The following OPCML variants were observed in gnomAD, a reference collection of about 807,000 sequenced individuals.
OPCML encodes opioid binding protein/cell adhesion molecule like, also known as opioid-binding protein/cell adhesion molecule.
Under a neutral mutation model 37.8 loss-of-function variants are expected in OPCML, and 13 were observed. The ratio of observed to expected loss-of-function variants is 0.34; its 90% CI spans 0.22 to 0.55. The LOEUF is 0.55. Among genes scored for constraint, OPCML ranks in the 20% least tolerant of loss-of-function variants. The probability of loss-of-function intolerance (pLI) is 0.91; values close to 1 mark genes in which losing one functional copy is unlikely to be tolerated. For missense variants in OPCML, 341 were observed against 435.6 expected, an observed-to-expected ratio of 0.78 and a Z score of 1.93; for synonymous variants, 176 against 168.8, an observed-to-expected ratio of 1.04 and a Z score of -0.33.
chr11:132,894,428 C>T (rs1024362609), intron 2 of OPCML, among the ~76,000 whole-genome samples: 14 of 152,188 alleles, frequency 9.2e-5, no homozygotes, highest in African/African-American at 2.9e-4. Context: ...CTTCTTTATC[C>T]TCCATAGAGC....
At chr11:132,604,460 C>G (rs1938139981) in intron 3 of OPCML, among the ~76,000 whole-genome samples, 1 of 152,100 alleles carries the variant, frequency 6.6e-6, no homozygotes, top group South Asian at 2.1e-4. Context: ...TTCCTGAAGC[C>G]TCAGCTCTCA....
At chr11:132,809,874 G>A (rs1285778378) in intron 2 of OPCML, among the ~76,000 whole-genome samples, 12 of 151,884 alleles carry the variant, frequency 7.9e-5, no homozygotes, top group Non-Finnish European at 1.5e-5. Flanking sequence ...TTTTTGAGAC[G>A]GTATCTTGCT....
intron 1 of OPCML, among the ~76,000 whole-genome samples, chr11:133,111,967 T>C (rs1027989027): frequency 2.6e-5 from 4 of 152,180 alleles, no homozygotes; most frequent in African/African-American, 9.7e-5. Context: ...AAGGATATTA[T>C]TTTTTTCTTA....
chr11:133,423,020 C>T (rs1945924131), intron 1 of OPCML: 3 of 985,184 alleles, frequency 3.0e-6, no homozygotes, highest in Non-Finnish European at 3.6e-6. Context: ...CTCCACTGTG[C>T]CATCCAAGGA....
intron 1 of OPCML, chr11:133,026,698 G>T: frequency 3.6e-6 from 2 of 557,418 alleles, no homozygotes; most frequent in Non-Finnish European, 2.3e-6. Flanking sequence ...CCTGTGTTTA[G>T]CAGTAATTCA....
In OPCML at chr11:133,460,811, T is replaced by C. The variant is rs561633998; in HGVS notation, c.61+71453A>G. On this transcript the variant is annotated intron_variant, in intron 1 of 7. Coordinates refer to ENST00000524381, the MANE Select transcript of OPCML (RefSeq NM_001012393.5). ...TTCCAAAAAATTGAAGAGGAAGGAA[T>C]GCTTCCTAATTCTCTAGAAAATACT... 1.6e-4 allele frequency among the ~76,000 whole-genome samples: 25 copies of C among 151,544 alleles called. 2 individuals are homozygous for C. In the South Asian group the frequency reaches 4.2e-3, roughly 25 times the overall value.
chr11:132,827,846 A>C (rs1940451507), intron 2 of OPCML, among the ~76,000 whole-genome samples: 1 of 150,206 alleles, frequency 6.7e-6, no homozygotes, highest in South Asian at 2.1e-4. Context: ...GGGTTTCACC[A>C]TGTTTTGATC....
chr11:132,532,274 C>A (rs2096327864), intron 3 of OPCML, among the ~76,000 whole-genome samples: 1 of 152,144 alleles, frequency 6.6e-6, no homozygotes, highest in African/African-American at 2.4e-5. Flanking sequence ...GTAGCTCCGT[C>A]ATGTTCTCTG....
At chr11:132,633,234 G>A (rs1315683810) in intron 3 of OPCML, among the ~76,000 whole-genome samples, 1 of 151,978 alleles carries the variant, frequency 6.6e-6, no homozygotes, top group Non-Finnish European at 1.5e-5. Context: ...ACAGAGTCTC[G>A]CTCTGTCGCC....
chr11:133,289,510 G>A (rs1392629607), intron 1 of OPCML, among the ~76,000 whole-genome samples: 5 of 149,836 alleles, frequency 3.3e-5, no homozygotes, highest in East Asian at 2.0e-4. Flanking sequence ...CAGGAGAATG[G>A]CGTGAACCCG....
intron 1 of OPCML, among the ~76,000 whole-genome samples, chr11:133,268,961 C>T (rs926449322): frequency 6.6e-6 from 1 of 152,158 alleles, no homozygotes; most frequent in African/African-American, 2.4e-5. Flanking sequence ...GCAGACCCAA[C>T]TATATCATGT....
intron 2 of OPCML, among the ~76,000 whole-genome samples, chr11:132,824,736 C>T (rs1940197389): frequency 6.6e-6 from 1 of 152,194 alleles, no homozygotes; most frequent in African/African-American, 2.4e-5. Context: ...AAAACAACTT[C>T]CCGTGGCTGT....
At chr11:133,078,867 T>C (rs1418436374) in intron 1 of OPCML, among the ~76,000 whole-genome samples, 1 of 152,144 alleles carries the variant, frequency 6.6e-6, no homozygotes, top group Non-Finnish European at 1.5e-5. Context: ...ATACACTCCT[T>C]ATGCTATGCT....
At chr11:132,921,970 C>T (rs180809318) in intron 2 of OPCML, among the ~76,000 whole-genome samples, 22 of 152,072 alleles carry the variant, frequency 1.4e-4, no homozygotes, top group Admixed American at 7.9e-4. Flanking sequence ...ACCTTCGCCT[C>T]GCAGGTTCAA....
At chr11:133,453,853 G>A (rs956781438) in intron 1 of OPCML, among the ~76,000 whole-genome samples, 23 of 152,254 alleles carry the variant, frequency 1.5e-4, no homozygotes, top group African/African-American at 4.6e-4. Flanking sequence ...GAATGTTTGC[G>A]GACAGAGCCT....
Position 133,140,946 on chromosome 11 carries a change from CGACGAA to C in OPCML, c.62-197942_62-197937del, listed in dbSNP as rs1237838579. 5.8e-3 allele frequency among the ~76,000 whole-genome samples: 27 copies of C among 4,652 alleles called. 1 individual carries two copies. Among genetic ancestry groups the C allele is most frequent in the Middle Eastern group, 0.083 (1 of 12 alleles). 3.1% of individuals were successfully genotyped at this position (4,652 alleles called of 152,430 possible). On this transcript the variant is annotated intron_variant, in intron 1 of 7. Transcript: ENST00000524381. ...ACGACGACGACGAAGAAGAAGAAGA[CGACGAA>C]GAAGAAGAAGAAGAAGAAGAAGAAG... is the stretch of plus-strand genomic sequence containing the variant.
At chr11:133,063,319 C>T (rs756631759) in intron 1 of OPCML, among the ~76,000 whole-genome samples, 1 of 152,108 alleles carries the variant, frequency 6.6e-6, no homozygotes, top group Non-Finnish European at 1.5e-5. Flanking sequence ...CTGTCTCCTT[C>T]TTAAACCCAA....
intron 1 of OPCML, among the ~76,000 whole-genome samples, chr11:133,088,411 T>C (rs1308265492): frequency 6.6e-6 from 1 of 152,208 alleles, no homozygotes; most frequent in Non-Finnish European, 1.5e-5. Context: ...GCTGTGCCCA[T>C]GATGTGGGAT....
chr11:133,521,269 A>G (rs886879151), intron 1 of OPCML, among the ~76,000 whole-genome samples: 8 of 152,242 alleles, frequency 5.3e-5, no homozygotes, highest in Non-Finnish European at 2.9e-5. Flanking sequence ...CTGCTTGCCC[A>G]AGATCACTTG....
Sources: allele counts gnomAD v4.1 joint callset (sites outside exome capture counted in the v4.1 genomes callset), GRCh38; gene constraint gnomAD v4.1.1; transcripts MANE v1.5; gene names NCBI Gene and HGNC (gene_info 2026-07-23, HGNC 2026-07-21).